Variants in KCNH7 observed in about 807,000 individuals in gnomAD.
The protein encoded by KCNH7 is voltage-gated inwardly rectifying potassium channel KCNH7.
In KCNH7, 49 loss-of-function variants were observed where a neutral mutation model predicts 120.8. That is an observed-to-expected ratio of 0.41 (90% CI 0.32 to 0.51). The LOEUF is 0.51. Among genes scored for constraint, KCNH7 ranks in the 20% least tolerant of loss-of-function variants. The pLI, the probability that KCNH7 is intolerant of heterozygous loss-of-function variation, is 0.38. For missense variants in KCNH7, 1,097 were observed against 1,446.6 expected (o/e 0.76, Z 3.92); for synonymous variants, 547 against 516.1 (o/e 1.06, Z -0.81).
intron 6 of KCNH7, among the ~76,000 whole-genome samples, chr2:162,489,219 G>A (rs925482665): frequency 6.6e-6 from 1 of 152,118 alleles, no homozygotes; most frequent in Non-Finnish European, 1.5e-5. Context: ...CATGCTTGAA[G>A]TAGTCAATAG....
At chr2:162,756,105 TAAAATAAACATAA>T (rs1356046642) in intron 2 of KCNH7, among the ~76,000 whole-genome samples, 1 of 152,172 alleles carries the variant, frequency 6.6e-6, no homozygotes, top group Non-Finnish European at 1.5e-5. Context: ...AAGTGAGTTA[TAAAATAAACATAA>T]AAAGACATAC....
intron 9 of KCNH7, among the ~76,000 whole-genome samples, chr2:162,416,978 T>C (rs1049192186): frequency 6.6e-6 from 1 of 152,166 alleles, no homozygotes; most frequent in African/African-American, 2.4e-5. Context: ...ACAATTAAAA[T>C]ATATCTAAAT....
At chr2:162,671,114 C>A (rs1452127573) in intron 2 of KCNH7, among the ~76,000 whole-genome samples, 5 of 152,006 alleles carry the variant, frequency 3.3e-5, no homozygotes, top group Admixed American at 1.3e-4. Flanking sequence ...AACATTTATA[C>A]CCTATTGGTG....
At chr2:162,601,346 G>A (rs1326318509) in intron 2 of KCNH7, among the ~76,000 whole-genome samples, 1 of 123,786 alleles carries the variant, frequency 8.1e-6, no homozygotes, top group Non-Finnish European at 1.6e-5. Flanking sequence ...ATAATCATCT[G>A]AATATATTGT....
chr2:162,592,008 T>C (rs1308321034), intron 2 of KCNH7, among the ~76,000 whole-genome samples: 2 of 152,132 alleles, frequency 1.3e-5, no homozygotes, highest in Non-Finnish European at 2.9e-5. Flanking sequence ...GCAGAATGGA[T>C]GGAAATTCAA....
intron 2 of KCNH7, among the ~76,000 whole-genome samples, chr2:162,548,409 T>C (rs534851081): frequency 6.6e-6 from 1 of 152,164 alleles, no homozygotes; most frequent in Non-Finnish European, 1.5e-5. Context: ...GAGGGAGAGA[T>C]GTTTCATTTC....
chr2:162,715,129 T>C (rs1687067119), intron 2 of KCNH7, among the ~76,000 whole-genome samples: 1 of 152,146 alleles, frequency 6.6e-6, no homozygotes. Flanking sequence ...TACCTGAGAA[T>C]GGGTAATTTA....
Position 162,488,037 on chromosome 2 carries a change from AGG to A in KCNH7, c.1128+16404_1128+16405del, listed in dbSNP as rs1690159957. On this transcript the variant is annotated intron_variant, in intron 6 of 15. Coordinates refer to ENST00000332142, the MANE Select transcript of KCNH7 (RefSeq NM_033272.4). ...ATGTGTTTGTCCCAACCCTCAGGCC[AGG>A]AGGGCAAAGGAGCAGAGAAACTCTC... is the stretch of plus-strand genomic sequence containing the variant. Among the ~76,000 whole-genome samples the A allele has an allele frequency of 2.0e-5, 3 of 152,196 alleles. No individual in the cohort carries two copies. The South Asian group carries it at 6.2e-4, about 32-fold the overall frequency.
intron 2 of KCNH7, among the ~76,000 whole-genome samples, chr2:162,627,842 C>T (rs1332143070): frequency 6.6e-6 from 1 of 152,082 alleles, no homozygotes; most frequent in Non-Finnish European, 1.5e-5. Flanking sequence ...CTTTATTTTT[C>T]CTTTAGCCTA....
chr2:162,577,743 C>A (rs1223400072), intron 2 of KCNH7, among the ~76,000 whole-genome samples: 1 of 151,990 alleles, frequency 6.6e-6, no homozygotes, highest in East Asian at 1.9e-4. Context: ...ACTACGTCAA[C>A]ATAAAATCAC....
rs79263929 is a variant in KCNH7, at chr2:162,818,277, T to C, written c.307+18260A>G. 9.0e-3 allele frequency among the ~76,000 whole-genome samples: 1,365 copies of C among 152,134 alleles called. 66 individuals carry two copies. The East Asian group carries it at 0.13, about 15-fold the overall frequency. The stretch of plus-strand genomic sequence containing the variant: ...AGTATGTAATCTAAATCAAATTAAT[T>C]TTTGTACACAGTATAATGCAGGGGT... On this transcript the variant is annotated intron_variant, in intron 2 of 15. Transcript: ENST00000332142.
At chr2:162,455,886 G>A (rs965851346) in intron 6 of KCNH7, among the ~76,000 whole-genome samples, 3 of 151,666 alleles carry the variant, frequency 2.0e-5, no homozygotes, top group Non-Finnish European at 2.9e-5. Context: ...TCAAAAAGCC[G>A]GCTCCTGAAT....
chr2:162,412,052 G>GA (rs1687407691), intron 9 of KCNH7, among the ~76,000 whole-genome samples: 2 of 151,592 alleles, frequency 1.3e-5, no homozygotes, highest in South Asian at 4.2e-4. Context: ...ATTTGTTAAA[G>GA]AAAAATAAAT....
intron 6 of KCNH7, among the ~76,000 whole-genome samples, chr2:162,497,691 G>A (rs1321281481): frequency 6.6e-6 from 1 of 152,154 alleles, no homozygotes; most frequent in Non-Finnish European, 1.5e-5. Flanking sequence ...TAAGACCTAA[G>A]CAAGTTGCCT....
chr2:162,588,523 T>C (rs1398171972), intron 2 of KCNH7, among the ~76,000 whole-genome samples: 1 of 152,140 alleles, frequency 6.6e-6, no homozygotes, highest in African/African-American at 2.4e-5. Context: ...CTTGTTGAAA[T>C]CAAATTTGTC....
rs565648656 is a variant in KCNH7, at chr2:162,405,978, G to C, written c.2155-5537C>G. 2.0e-5 allele frequency among the ~76,000 whole-genome samples: 3 copies of C among 152,030 alleles called. No homozygotes were observed. In the South Asian group the frequency reaches 6.2e-4, roughly 32 times the overall value. ...CTTCTGTCACCTTTCAAGGAGAAAA[G>C]ATAGATATTCATCTACTTAATCAAA... On this transcript the variant is annotated intron_variant, in intron 9 of 15. Transcript: ENST00000332142.
At chr2:162,561,663 T>C (rs1693069820) in intron 2 of KCNH7, among the ~76,000 whole-genome samples, 1 of 152,186 alleles carries the variant, frequency 6.6e-6, no homozygotes, top group Non-Finnish European at 1.5e-5. Flanking sequence ...CTTTTTTTCA[T>C]ATGTTCGTTG....
intron 2 of KCNH7, among the ~76,000 whole-genome samples, chr2:162,556,042 A>G (rs995105469): frequency 5.1e-4 from 78 of 152,234 alleles, no homozygotes; most frequent in African/African-American, 1.8e-3. Context: ...TCTATATATC[A>G]TTATAAAACC....
In KCNH7 at chr2:162,615,736, C is replaced by T. The variant is rs187673741; in HGVS notation, c.308-78656G>A. Among the ~76,000 whole-genome samples, 262 of 152,084 alleles carry T rather than the reference C, an allele frequency of 1.7e-3. 1 individual carries two copies. The highest frequency in any genetic ancestry group is 0.015 in the Admixed American group (235 of 15,270). ...GGTAAAACAATGAGGTTATGAAACT[C>T]TCCTGTTGTTTCACTCTATTTTTTT... On this transcript the variant is annotated intron_variant, in intron 2 of 15. Transcript: ENST00000332142.
Sources: gnomAD v4.1 joint callset for allele counts (sites outside exome capture counted in the v4.1 genomes callset) on GRCh38, gnomAD v4.1.1 for gene constraint, MANE v1.5 for transcripts, NCBI Gene and HGNC (gene_info 2026-07-23, HGNC 2026-07-21) for gene names.